ADGB: variants seen among roughly 807,000 people sequenced by gnomAD.
The protein encoded by ADGB is calpain-7-like protein.
ADGB carries 172 observed loss-of-function variants against 210.5 expected under a neutral mutation model. The ratio of observed to expected loss-of-function variants is 0.82; its 90% CI spans 0.72 to 0.93. The LOEUF is 0.93. ADGB is among the 40% of genes least tolerant of loss of function. The probability of loss-of-function intolerance (pLI) is 0.00; values close to 1 mark genes in which losing one functional copy is unlikely to be tolerated. For missense variants in ADGB, 2,025 were observed against 1,964.8 expected, an observed-to-expected ratio of 1.03 and a Z score of -0.58; for synonymous variants, 658 against 662.7, an observed-to-expected ratio of 0.99 and a Z score of 0.11.
At chr6:146,782,652 T>A (rs1171091126) in intron 30 of ADGB, among the ~76,000 whole-genome samples, 1 of 152,020 alleles carries the variant, frequency 6.6e-6, no homozygotes, top group Non-Finnish European at 1.5e-5. Context: ...TTTTGAAGCA[T>A]TAAAGTATGA....
chr6:146,784,347 T>C (rs1777842263), intron 30 of ADGB, among the ~76,000 whole-genome samples: 1 of 152,130 alleles, frequency 6.6e-6, no homozygotes, highest in African/African-American at 2.4e-5. Context: ...ATATCAATAG[T>C]TTATTACTTT....
At position 146,621,453 on chromosome 6, in the gene ADGB, A is replaced by G. The variant is rs532772006; in HGVS notation, c.75-13922A>G. Among the ~76,000 whole-genome samples, 4 of 152,104 alleles carry G rather than the reference A, an allele frequency of 2.6e-5. No individual in the cohort carries two copies. In the South Asian group the frequency reaches 8.3e-4, roughly 32 times the overall value. ...GGTGGGCTTCCCATGAAGATTCCAAAAGGTGAGGAGATTGACCGTCCACCT... is the reference window on the plus strand; with the variant it reads ...GGTGGGCTTCCCATGAAGATTCCAAGAGGTGAGGAGATTGACCGTCCACCT... On this transcript the variant is annotated intron_variant, in intron 1 of 35. Coordinates refer to ENST00000397944, the MANE Select transcript of ADGB (RefSeq NM_024694.4).
intron 6 of ADGB, among the ~76,000 whole-genome samples, chr6:146,665,441 T>G (rs1488828887): frequency 1.3e-5 from 2 of 152,070 alleles, no homozygotes; most frequent in Admixed American, 1.3e-4. Context: ...TCTTTGTAGG[T>G]AGCTGAATAG....
intron 1 of ADGB, among the ~76,000 whole-genome samples, chr6:146,612,836 C>A (rs1387953124): frequency 6.6e-6 from 1 of 152,060 alleles, no homozygotes; most frequent in African/African-American, 2.4e-5. Context: ...AGCTTCAGCC[C>A]CTACCTACTC....
intron 29 of ADGB, 91 bp from the exon 30 acceptor site, chr6:146,781,929 C>A: frequency 1.1e-6 from 1 of 881,924 alleles, no homozygotes; most frequent in Non-Finnish European, 1.6e-6. Flanking sequence ...TTAGCTTAAC[C>A]ATATGTCCCT....
Position 146,636,928 on chromosome 6 carries a change from C to T in ADGB, c.237+1391C>T, listed in dbSNP as rs73787824. On this transcript the variant is annotated intron_variant, in intron 2 of 35. Transcript: ENST00000397944. ...GACATGAGGCTAGTCATCAGGAAAT[C>T]AGCCTCAGATGAATTCACCCTTTCC... is the stretch of plus-strand genomic sequence containing the variant. 4.7e-3 allele frequency among the ~76,000 whole-genome samples: 710 copies of T among 152,140 alleles called. 6 individuals are homozygous for T. Among genetic ancestry groups the T allele is most frequent in the African/African-American group, 0.015 (613 of 41,548 alleles).
chr6:146,643,067 C>A (rs1359221334), intron 2 of ADGB, among the ~76,000 whole-genome samples: 2 of 151,746 alleles, frequency 1.3e-5, no homozygotes, highest in Non-Finnish European at 2.9e-5. Flanking sequence ...TAAATATTTG[C>A]AATAAAGGAG....
chr6:146,805,144 C>A (rs1194260101), intron 35 of ADGB, among the ~76,000 whole-genome samples: 1 of 152,188 alleles, frequency 6.6e-6, no homozygotes, highest in Non-Finnish European at 1.5e-5. Flanking sequence ...GACACCTCTA[C>A]CATGATTATT....
intron 5 of ADGB, among the ~76,000 whole-genome samples, chr6:146,657,799 T>C (rs542639758): frequency 1.3e-5 from 2 of 152,328 alleles, no homozygotes; most frequent in South Asian, 4.1e-4. Context: ...TTTGTTTTCA[T>C]GTAAGCAAAT....
chr6:146,764,200 C>A, intron 28 of ADGB, 100 bp downstream of exon 28: 1 of 1,021,370 alleles, frequency 9.8e-7, no homozygotes, highest in Non-Finnish European at 1.4e-6. Flanking sequence ...GTGTGCAGTG[C>A]TGCCAATGTA....
intron 28 of ADGB, among the ~76,000 whole-genome samples, chr6:146,767,814 A>G (rs1777598740): frequency 6.6e-6 from 1 of 152,136 alleles, no homozygotes; most frequent in Non-Finnish European, 1.5e-5. Flanking sequence ...CCTCAAGGCC[A>G]AACAGCTGGT....
At chr6:146,691,372 A>ACGCCTGTAATCCC in intron 11 of ADGB, 82 bp downstream of exon 11, 1 of 1,079,938 alleles carries the variant, frequency 9.3e-7, no homozygotes, top group Non-Finnish European at 1.2e-6. Flanking sequence ...GATGTATGTC[A>ACGCCTGTAATCCC]AGGTAAATCA....
At chr6:146,809,113 G>A (rs887081898) in intron 35 of ADGB, among the ~76,000 whole-genome samples, 21 of 152,038 alleles carry the variant, frequency 1.4e-4, no homozygotes, top group African/African-American at 4.6e-4. Flanking sequence ...TTGAGATAAT[G>A]GGAATAGGAG....
At chr6:146,669,779 A>G (rs1332014184) in intron 7 of ADGB, among the ~76,000 whole-genome samples, 3 of 152,060 alleles carry the variant, frequency 2.0e-5, no homozygotes, top group Admixed American at 1.3e-4. Flanking sequence ...CCTGGTCACC[A>G]TTGCCCGAAC....
chr6:146,648,815 G>T (rs1196982962), intron 3 of ADGB, among the ~76,000 whole-genome samples: 1 of 151,356 alleles, frequency 6.6e-6, no homozygotes, highest in Non-Finnish European at 1.5e-5. Context: ...AAAATTTATA[G>T]AATTATATAT....
chr6:146,693,582 G>GA (rs1227225507), intron 12 of ADGB, among the ~76,000 whole-genome samples: 1 of 152,144 alleles, frequency 6.6e-6, no homozygotes, highest in East Asian at 1.9e-4. Flanking sequence ...AGAGAAGTAG[G>GA]GTGCAGCTGT....
Position 146,784,539 on chromosome 6 carries a change from AT to A in ADGB, c.4036-77del, listed in dbSNP as rs759777035. 2.1e-5 allele frequency: 24 copies of A among 1,132,786 alleles called. No individual in the cohort carries two copies. In the East Asian group the frequency reaches 4.7e-4, roughly 22 times the overall value. The allele number at this position is 1,132,786 out of a possible 1,614,324, so 70.2% of individuals were successfully genotyped here. On this transcript the variant is annotated intron_variant, in intron 30 of 35. Transcript: ENST00000397944. Reference sequence around the variant, plus strand: ...TCTCTAGTAAATACCTAATAGTGAAATTATGTATCATATGGTAAAATCTAGA... The same window carrying A: ...TCTCTAGTAAATACCTAATAGTGAAATATGTATCATATGGTAAAATCTAGA...
intron 6 of ADGB, 37 bp from the exon 7 acceptor site, chr6:146,666,778 AT>A (rs1775941890): frequency 7.2e-7 from 1 of 1,388,142 alleles, no homozygotes; most frequent in South Asian, 1.3e-5. Flanking sequence ...GTGTTTTCAA[AT>A]TTTGCTACCT....
chr6:146,790,380 C>T (rs1242940016), intron 33 of ADGB, among the ~76,000 whole-genome samples: 2 of 152,100 alleles, frequency 1.3e-5, no homozygotes, highest in Non-Finnish European at 2.9e-5. Flanking sequence ...TAACCACCAT[C>T]CTAATATCTA....
Sources: gnomAD v4.1 joint callset for allele counts (sites outside exome capture counted in the v4.1 genomes callset) on GRCh38, gnomAD v4.1.1 for gene constraint, MANE v1.5 for transcripts, NCBI Gene and HGNC (gene_info 2026-07-23, HGNC 2026-07-21) for gene names.